NLRP2B: variants seen among roughly 807,000 people sequenced by gnomAD.
The protein encoded by NLRP2B is NLR family pyrin domain-containing protein 2B.
For synonymous variants in NLRP2B, 16 were observed against 3.5 expected, an observed-to-expected ratio of 4.63 and a Z score of -4.03; for missense variants, 25 against 6.8, an observed-to-expected ratio of 3.70 and a Z score of -3.00.
In NLRP2B at chrX:57,679,270, A is replaced by G. The variant is rs1452223948; in HGVS notation, c.*853T>C. 41 of 462,574 alleles carry G rather than the reference A, an allele frequency of 8.9e-5. No individual in the cohort carries two copies. The highest frequency in any genetic ancestry group is 1.7e-4 in the Admixed American group (6 of 35,510). 38.1% of individuals were successfully genotyped at this position (462,574 alleles called of 1,213,427 possible). Reference sequence around the variant, plus strand: ...GCCCGCAGGCCACGTGGTGACCAGCACGGCGGCCCTGGGTAAAATCTTCCT... The same window carrying G: ...GCCCGCAGGCCACGTGGTGACCAGCGCGGCGGCCCTGGGTAAAATCTTCCT... On this transcript the variant is annotated 3_prime_UTR_variant, in exon 1 of 1. Coordinates refer to ENST00000434992, the MANE Select transcript of NLRP2B (RefSeq NM_001319967.1).
rs1036296595 is a variant in NLRP2B, at chrX:57,677,098, TC to T, written c.*3024del. 4.2e-5 allele frequency: 11 copies of T among 259,108 alleles called. No homozygotes were observed. Among genetic ancestry groups the T allele is most frequent in the East Asian group, 2.0e-4 (2 of 10,176 alleles). The allele number at this position is 259,108 out of a possible 1,213,427, so 21.4% of individuals were successfully genotyped here. On this transcript the variant is annotated 3_prime_UTR_variant, in exon 1 of 1. Transcript: ENST00000434992. Reference sequence around the variant, plus strand: ...GAAGTAATGAAAAGAAAGCCTTTTTTCCCCCCCAAAGGATCATGTTTCTCAG... The same window carrying T: ...GAAGTAATGAAAAGAAAGCCTTTTTTCCCCCCAAAGGATCATGTTTCTCAG...
chrX:57,679,243 G>T lies in NLRP2B; in HGVS notation c.*880C>A. 1 of 453,892 alleles carries T rather than the reference G, an allele frequency of 2.2e-6. No homozygotes were observed. 37.4% of individuals were successfully genotyped at this position (453,892 alleles called of 1,213,427 possible). A position where few individuals can be genotyped will look rare whatever the true frequency, so the allele number is the denominator to read the frequency against. On this transcript the variant is annotated 3_prime_UTR_variant, in exon 1 of 1. Coordinates refer to ENST00000434992, the MANE Select transcript of NLRP2B (RefSeq NM_001319967.1). ...TCCACCAACAGCCGGAGGTCTCTCA[G>T]GGCCCGCAGGCCACGTGGTGACCAG...
In NLRP2B at chrX:57,677,104, C is replaced by A. The variant is rs969892174; in HGVS notation, c.*3019G>T. On this transcript the variant is annotated 3_prime_UTR_variant, in exon 1 of 1. Coordinates refer to ENST00000434992, the MANE Select transcript of NLRP2B (RefSeq NM_001319967.1). Reference sequence around the variant, plus strand: ...ATGAAAAGAAAGCCTTTTTTCCCCCCCAAAGGATCATGTTTCTCAGTTATC... The same window carrying A: ...ATGAAAAGAAAGCCTTTTTTCCCCCACAAAGGATCATGTTTCTCAGTTATC... The A allele has an allele frequency of 2.2e-5, 6 of 268,675 alleles. No individual in the cohort carries two copies. The highest frequency in any genetic ancestry group is 3.5e-5 in the Non-Finnish European group (5 of 143,382). 22.1% of individuals were successfully genotyped at this position (268,675 alleles called of 1,213,427 possible).
chrX:57,678,302 G>A lies in NLRP2B; in HGVS notation c.*1821C>T, dbSNP rs5961033. 15,458 of 539,115 alleles carry A rather than the reference G, an allele frequency of 0.029. 1,608 individuals are homozygous for A. In the African/African-American group the frequency reaches 0.31, roughly 11 times the overall value. 44.4% of individuals were successfully genotyped at this position (539,115 alleles called of 1,213,427 possible). A position where few individuals can be genotyped will look rare whatever the true frequency, so the allele number is the denominator to read the frequency against. On this transcript the variant is annotated 3_prime_UTR_variant, in exon 1 of 1. Coordinates refer to ENST00000434992, the MANE Select transcript of NLRP2B (RefSeq NM_001319967.1). ...AGCTTTGCCTTTGCTGCCTGCAGTG[G>A]CATTTTCTGCAAGTTTCGACAATGC...
Position 57,678,446 on chromosome X carries a change from A to G in NLRP2B, c.*1677T>C. The G allele has an allele frequency of 1.9e-6, 1 of 520,327 alleles. No homozygotes were observed. The highest frequency in any genetic ancestry group is 3.5e-6 in the Non-Finnish European group (1 of 282,463). The allele number at this position is 520,327 out of a possible 1,213,427, so 42.9% of individuals were successfully genotyped here. A position where few individuals can be genotyped will look rare whatever the true frequency, so the allele number is the denominator to read the frequency against. On this transcript the variant is annotated 3_prime_UTR_variant, in exon 1 of 1. Coordinates refer to ENST00000434992, the MANE Select transcript of NLRP2B (RefSeq NM_001319967.1). ...TCCTGAGACTCGTACAGACAGCACAAGAGCTCCTTCGGGTTCATCATTGTT... is the reference window on the plus strand; with the variant it reads ...TCCTGAGACTCGTACAGACAGCACAGGAGCTCCTTCGGGTTCATCATTGTT...
chrX:57,679,882 T>C lies in NLRP2B; in HGVS notation c.*241A>G. 1 of 289,882 alleles carries C rather than the reference T, an allele frequency of 3.4e-6. No individual in the cohort carries two copies. Among genetic ancestry groups the C allele is most frequent in the Non-Finnish European group, 6.0e-6 (1 of 167,243 alleles). The allele number at this position is 289,882 out of a possible 1,213,427, so 23.9% of individuals were successfully genotyped here. On this transcript the variant is annotated 3_prime_UTR_variant, in exon 1 of 1. Coordinates refer to ENST00000434992, the MANE Select transcript of NLRP2B (RefSeq NM_001319967.1). Reference sequence around the variant, plus strand: ...CTCCGTTTCTATAAACTCTAGTGCTTCTGCTTCGAAACGCCCCAGCATTTG... The same window carrying C: ...CTCCGTTTCTATAAACTCTAGTGCTCCTGCTTCGAAACGCCCCAGCATTTG...
Position 57,679,130 on chromosome X carries a change from G to A in NLRP2B, c.*993C>T, listed in dbSNP as rs1277293139. The A allele has an allele frequency of 6.4e-6, 3 of 467,104 alleles. No individual in the cohort carries two copies. Among genetic ancestry groups the A allele is most frequent in the Non-Finnish European group, 1.2e-5 (3 of 250,865 alleles). The allele number at this position is 467,104 out of a possible 1,213,427, so 38.5% of individuals were successfully genotyped here. A position where few individuals can be genotyped will look rare whatever the true frequency, so the allele number is the denominator to read the frequency against. Reference sequence around the variant, plus strand: ...TTCTCATCAGCTCAAAGGCACACATGGCTTGGTCCTCGTCTCCAAAGTGTC... The same window carrying A: ...TTCTCATCAGCTCAAAGGCACACATAGCTTGGTCCTCGTCTCCAAAGTGTC... On this transcript the variant is annotated 3_prime_UTR_variant, in exon 1 of 1. Transcript: ENST00000434992.
chrX:57,678,333 G>T lies in NLRP2B; in HGVS notation c.*1790C>A. The T allele has an allele frequency of 1.9e-6, 1 of 538,631 alleles. No individual in the cohort carries two copies. The highest frequency in any genetic ancestry group is 3.4e-6 in the Non-Finnish European group (1 of 291,440). The allele number at this position is 538,631 out of a possible 1,213,427, so 44.4% of individuals were successfully genotyped here. A position where few individuals can be genotyped will look rare whatever the true frequency, so the allele number is the denominator to read the frequency against. Reference sequence around the variant, plus strand: ...TCTGCAAGTTTCGACAATGCTTGAGGCAGATTGAAAACAGCATAATGTCTA... The same window carrying T: ...TCTGCAAGTTTCGACAATGCTTGAGTCAGATTGAAAACAGCATAATGTCTA... On this transcript the variant is annotated 3_prime_UTR_variant, in exon 1 of 1. Coordinates refer to ENST00000434992, the MANE Select transcript of NLRP2B (RefSeq NM_001319967.1).
chrX:57,679,490 C>T lies in NLRP2B; in HGVS notation c.*633G>A. ...GGCCAGTTCCTGAAGACCAGCTCTG[C>T]AAAACTGCACGGGCCCAGGCAGATG... On this transcript the variant is annotated 3_prime_UTR_variant, in exon 1 of 1. Transcript: ENST00000434992. 1.1e-6 allele frequency: 1 copy of T among 888,248 alleles called. No individual in the cohort carries two copies. Among genetic ancestry groups the T allele is most frequent in the Non-Finnish European group, 1.7e-6 (1 of 605,345 alleles). 73.2% of individuals were successfully genotyped at this position (888,248 alleles called of 1,213,427 possible).
Position 57,679,346 on chromosome X carries a change from C to A in NLRP2B, c.*777G>T. The A allele has an allele frequency of 9.9e-6, 6 of 607,594 alleles. No individual in the cohort carries two copies. Among genetic ancestry groups the A allele is most frequent in the Non-Finnish European group, 1.7e-5 (6 of 362,427 alleles). 50.1% of individuals were successfully genotyped at this position (607,594 alleles called of 1,213,427 possible). On this transcript the variant is annotated 3_prime_UTR_variant, in exon 1 of 1. Coordinates refer to ENST00000434992, the MANE Select transcript of NLRP2B (RefSeq NM_001319967.1). ...GGCACCGGCTTCTGCTTCTCCCAGT[C>A]CCCACAGATGTCCTAGATCAGTGCC...
rs1474879221 is a variant in NLRP2B, at chrX:57,677,272, G to A, written c.*2851C>T. On this transcript the variant is annotated 3_prime_UTR_variant, in exon 1 of 1. Transcript: ENST00000434992. ...TTCAAACAGCATCTTTACTCCACTA[G>A]ACCCCAAGGGATTCTGGCTCAGGTC... 2.1e-5 allele frequency: 8 copies of A among 386,508 alleles called. No individual in the cohort carries two copies. Among genetic ancestry groups the A allele is most frequent in the African/African-American group, 2.1e-4 (8 of 38,833 alleles). The allele number at this position is 386,508 out of a possible 1,213,427, so 31.9% of individuals were successfully genotyped here. A position where few individuals can be genotyped will look rare whatever the true frequency, so the allele number is the denominator to read the frequency against.
chrX:57,677,768 A>G lies in NLRP2B; in HGVS notation c.*2355T>C. ...CATTTTGGGTGTCTCAAAGTTGTGT[A>G]CAGCAACTTGGCACCCTCATCCAAG... On this transcript the variant is annotated 3_prime_UTR_variant, in exon 1 of 1. Coordinates refer to ENST00000434992, the MANE Select transcript of NLRP2B (RefSeq NM_001319967.1). The G allele has an allele frequency of 2.3e-6, 1 of 430,352 alleles. No homozygotes were observed. The highest frequency in any genetic ancestry group is 4.5e-6 in the Non-Finnish European group (1 of 224,260). The allele number at this position is 430,352 out of a possible 1,213,427, so 35.5% of individuals were successfully genotyped here.
In NLRP2B at chrX:57,678,410, C is replaced by A; in HGVS notation, c.*1713G>T. 1 of 522,057 alleles carries A rather than the reference C, an allele frequency of 1.9e-6. No homozygotes were observed. The allele number at this position is 522,057 out of a possible 1,213,427, so 43.0% of individuals were successfully genotyped here. ...TTGAACGGAGCCATCACTCCCTTCA[C>A]CAGCTCCTCCTCCTGAGACTCGTAC... is the stretch of plus-strand genomic sequence containing the variant. On this transcript the variant is annotated 3_prime_UTR_variant, in exon 1 of 1. Transcript: ENST00000434992.
Position 57,679,029 on chromosome X carries a change from C to A in NLRP2B, c.*1094G>T. 1 of 416,419 alleles carries A rather than the reference C, an allele frequency of 2.4e-6. No individual in the cohort carries two copies. Among genetic ancestry groups the A allele is most frequent in the East Asian group, 5.5e-5 (1 of 18,258 alleles). 34.3% of individuals were successfully genotyped at this position (416,419 alleles called of 1,213,427 possible). The stretch of plus-strand genomic sequence containing the variant: ...TGGGGCGGGTCCTTCCCCTTCTAAC[C>A]TCTGCAGCTTCAGACTCATGCACAT... On this transcript the variant is annotated 3_prime_UTR_variant, in exon 1 of 1. Transcript: ENST00000434992.
chrX:57,678,953 C>G lies in NLRP2B; in HGVS notation c.*1170G>C. On this transcript the variant is annotated 3_prime_UTR_variant, in exon 1 of 1. Transcript: ENST00000434992. ...GCCCGCAGCACGCCCCAGAGCTGTG[C>G]GCCCTGCGGGAACCGGCCGCAAAGG... The G allele has an allele frequency of 2.1e-6, 1 of 466,665 alleles. No individual in the cohort carries two copies. The highest frequency in any genetic ancestry group is 5.5e-5 in the East Asian group (1 of 18,257). 38.5% of individuals were successfully genotyped at this position (466,665 alleles called of 1,213,427 possible). A position where few individuals can be genotyped will look rare whatever the true frequency, so the allele number is the denominator to read the frequency against.
At position 57,679,175 on chromosome X, in the gene NLRP2B, G is replaced by A; in HGVS notation, c.*948C>T. The A allele has an allele frequency of 6.4e-6, 3 of 470,467 alleles. No homozygotes were observed. The highest frequency in any genetic ancestry group is 1.2e-5 in the Non-Finnish European group (3 of 252,978). The allele number at this position is 470,467 out of a possible 1,213,427, so 38.8% of individuals were successfully genotyped here. A position where few individuals can be genotyped will look rare whatever the true frequency, so the allele number is the denominator to read the frequency against. On this transcript the variant is annotated 3_prime_UTR_variant, in exon 1 of 1. Coordinates refer to ENST00000434992, the MANE Select transcript of NLRP2B (RefSeq NM_001319967.1). Reference sequence around the variant, plus strand: ...AGTGTCTCAGGAAATATGCCCTCCTGTCCTTCTCCAGGAACTCCTCCACCC... The same window carrying A: ...AGTGTCTCAGGAAATATGCCCTCCTATCCTTCTCCAGGAACTCCTCCACCC...
At position 57,679,466 on chromosome X, in the gene NLRP2B, G is replaced by A. The variant is rs149136951; in HGVS notation, c.*657C>T. ...TTTGGAATGTCATCCTGCAATTCAG[G>A]CCAGTTCCTGAAGACCAGCTCTGCA... is the stretch of plus-strand genomic sequence containing the variant. On this transcript the variant is annotated 3_prime_UTR_variant, in exon 1 of 1. Transcript: ENST00000434992. 4.6e-3 allele frequency: 4,481 copies of A among 982,728 alleles called. 10 individuals carry two copies. Among genetic ancestry groups the A allele is most frequent in the Non-Finnish European group, 5.6e-3 (3,884 of 690,751 alleles). 81.0% of individuals were successfully genotyped at this position (982,728 alleles called of 1,213,427 possible).
In NLRP2B at chrX:57,679,066, C is replaced by T; in HGVS notation, c.*1057G>A. ...AGACTCATGCACATGATCCAGCACA[C>T]CATGGGTGCCGAGACAGGCTGGAAC... On this transcript the variant is annotated 3_prime_UTR_variant, in exon 1 of 1. Transcript: ENST00000434992. 1 of 426,757 alleles carries T rather than the reference C, an allele frequency of 2.3e-6. No individual in the cohort carries two copies. Among genetic ancestry groups the T allele is most frequent in the Non-Finnish European group, 4.3e-6 (1 of 230,860 alleles). The allele number at this position is 426,757 out of a possible 1,213,427, so 35.2% of individuals were successfully genotyped here.
At position 57,677,964 on chromosome X, in the gene NLRP2B, G is replaced by T; in HGVS notation, c.*2159C>A. ...ACAATGCAGGAAGCATATCATTCTG[G>T]TCATTGCCTTGAAGGGTCAGATATC... is the stretch of plus-strand genomic sequence containing the variant. On this transcript the variant is annotated 3_prime_UTR_variant, in exon 1 of 1. Transcript: ENST00000434992. 1 of 477,678 alleles carries T rather than the reference G, an allele frequency of 2.1e-6. No individual in the cohort carries two copies. Among genetic ancestry groups the T allele is most frequent in the Non-Finnish European group, 3.9e-6 (1 of 259,524 alleles). 39.4% of individuals were successfully genotyped at this position (477,678 alleles called of 1,213,427 possible).
Sources: allele counts gnomAD v4.1 joint callset, GRCh38; gene constraint gnomAD v4.1.1; transcripts MANE v1.5; gene names NCBI Gene and HGNC (gene_info 2026-07-23, HGNC 2026-07-21).